Variants in GPC1 observed in about 807,000 individuals in gnomAD.
GPC1 encodes glypican 1.
A neutral mutation model predicts 51.5 loss-of-function variants in GPC1; 26 were observed. The ratio of observed to expected loss-of-function variants is 0.50; its 90% CI spans 0.37 to 0.70. GPC1 has a LOEUF of 0.70. Among genes scored for constraint, GPC1 ranks in the 30% least tolerant of loss-of-function variants. The probability of loss-of-function intolerance (pLI) is 0.00; values close to 1 mark genes in which losing one functional copy is unlikely to be tolerated. For missense variants in GPC1, 775 were observed against 800.5 expected (o/e 0.97, Z 0.38); for synonymous variants, 380 against 348.3 (o/e 1.09, Z -1.01).
At chr2:240,447,297 G>T (rs1427443146) in intron 1 of GPC1, among the ~76,000 whole-genome samples, 1 of 152,174 alleles carries the variant, frequency 6.6e-6, no homozygotes, top group Non-Finnish European at 1.5e-5. Context: ...GGCTGTTCTG[G>T]GTACCGGGAC....
Position 240,459,203 on chromosome 2 carries a change from C to A in GPC1, c.325+15C>A. 1 of 1,607,216 alleles carries A rather than the reference C, an allele frequency of 6.2e-7. No homozygotes were observed. Among genetic ancestry groups the A allele is most frequent in the Non-Finnish European group, 8.5e-7 (1 of 1,177,028 alleles). ...CAGCTTCGATGGTGAGTGCCTCCCACGGGCGCTCGGGGCCCGCAGGGTGCC... is the reference window on the plus strand; with the variant it reads ...CAGCTTCGATGGTGAGTGCCTCCCAAGGGCGCTCGGGGCCCGCAGGGTGCC... On this transcript the variant is annotated intron_variant, in intron 2 of 8. Transcript: ENST00000264039.
At chr2:240,462,629 T>A in intron 3 of GPC1, 47 bp downstream of exon 3, 1 of 1,480,104 alleles carries the variant, frequency 6.8e-7, no homozygotes, top group Non-Finnish European at 9.0e-7. Flanking sequence ...CAGACCCCCA[T>A]GCTCTGCCCA....
chr2:240,459,692 C>CA (rs1018130486), intron 2 of GPC1, among the ~76,000 whole-genome samples: 2 of 152,124 alleles, frequency 1.3e-5, no homozygotes, highest in African/African-American at 4.8e-5. Flanking sequence ...TATATCGGGG[C>CA]AGGAGTCTGG....
intron 1 of GPC1, chr2:240,456,477 G>A (rs2074165249): frequency 5.0e-6 from 2 of 398,498 alleles, no homozygotes; most frequent in African/African-American, 2.0e-5. Flanking sequence ...GCCTGGCCTG[G>A]GTGCCCCGTC....
chr2:240,462,006 G>A (rs1192073998), intron 2 of GPC1, among the ~76,000 whole-genome samples, 185 bp from the exon 3 acceptor site: 1 of 152,118 alleles, frequency 6.6e-6, no homozygotes, highest in Admixed American at 6.5e-5. Context: ...CCAGGCCAGG[G>A]GGTGAGGTCT....
intron 1 of GPC1, among the ~76,000 whole-genome samples, chr2:240,441,556 C>A (rs549083570): frequency 2.5e-4 from 38 of 152,368 alleles, no homozygotes; most frequent in Non-Finnish European, 4.7e-4. Context: ...GTGCCCAGAG[C>A]CCTGAGCCGG....
In GPC1 at chr2:240,435,679, G is replaced by A. The variant is rs1333360831; in HGVS notation, c.-240G>A. 19 of 171,994 alleles carry A rather than the reference G, an allele frequency of 1.1e-4. No homozygotes were observed. Among genetic ancestry groups the A allele is most frequent in the Non-Finnish European group, 2.1e-4 (17 of 82,496 alleles). 10.7% of individuals were successfully genotyped at this position (171,994 alleles called of 1,614,324 possible). The stretch of plus-strand genomic sequence containing the variant: ...GGGGGAGGCGCCGAGCCGGGACTGC[G>A]CTAGCCCGCCGCGCTCTGGGCTGCC... On this transcript the variant is annotated 5_prime_UTR_variant, in exon 1 of 9. Transcript: ENST00000264039.
chr2:240,453,998 G>A (rs1479089867), intron 1 of GPC1, among the ~76,000 whole-genome samples: 1 of 152,164 alleles, frequency 6.6e-6, no homozygotes, highest in Admixed American at 6.5e-5. Context: ...GTCGCAGTGC[G>A]CGGCGGAGGT....
intron 2 of GPC1, 128 bp from the exon 3 acceptor site, chr2:240,462,063 G>C: frequency 1.1e-6 from 1 of 901,466 alleles, no homozygotes; most frequent in Non-Finnish European, 1.6e-6. Flanking sequence ...GCTGCAGTGT[G>C]GCGTCCGACT....
chr2:240,440,365 C>G (rs565971288), intron 1 of GPC1, among the ~76,000 whole-genome samples: 1 of 152,184 alleles, frequency 6.6e-6, no homozygotes, highest in Non-Finnish European at 1.5e-5. Flanking sequence ...GTGAAGCGCT[C>G]CTCTTAGGGC....
Position 240,463,414 on chromosome 2 carries a change from T to A in GPC1, c.785T>A (p.Val262Asp). ...KLVYCAHCLG[V>D]PGARPCPDYC... is the part of the protein sequence containing the mutation. ...GTCTACTGTGCTCACTGCCTGGGAG[T>A]CCCCGGCGCCAGGCCCTGCCCTGAC... Residue 262 changes from valine (V) to aspartate (D), a missense_variant, in exon 4 of 9, where the codon GTC becomes GAC. Transcript: ENST00000264039. The A allele has an allele frequency of 1.2e-6, 2 of 1,612,370 alleles. No homozygotes were observed. The highest frequency in any genetic ancestry group is 1.1e-5 in the South Asian group (1 of 91,046).
chr2:240,441,779 A>G (rs952018328), intron 1 of GPC1, among the ~76,000 whole-genome samples: 1 of 152,022 alleles, frequency 6.6e-6, no homozygotes, highest in South Asian at 2.1e-4. Context: ...TAGGGTGTTG[A>G]GGCTTGGGCC....
intron 1 of GPC1, among the ~76,000 whole-genome samples, chr2:240,443,726 A>G (rs2074032419): frequency 6.6e-6 from 1 of 152,074 alleles, no homozygotes; most frequent in African/African-American, 2.4e-5. Context: ...ACAGGGAGAG[A>G]AGGGTCCCTC....
rs1490275647 is a variant in GPC1, at chr2:240,446,059, C to CG, written c.166+9979dup. On this transcript the variant is annotated intron_variant, in intron 1 of 8. Transcript: ENST00000264039. ...CGTCTGCGGCTTCACCAATGGGCAA[C>CG]GGGGCCCACGGCACAGAGAAAGTCC... is the stretch of plus-strand genomic sequence containing the variant. Among the ~76,000 whole-genome samples the CG allele has an allele frequency of 2.6e-5, 4 of 152,272 alleles. No homozygotes were observed. In the East Asian group the frequency reaches 7.8e-4, roughly 30 times the overall value.
intron 2 of GPC1, among the ~76,000 whole-genome samples, chr2:240,461,070 C>A (rs140383940): frequency 6.6e-6 from 1 of 152,302 alleles, no homozygotes; most frequent in East Asian, 1.9e-4. Context: ...TGGCCCATGG[C>A]CCTCTAGGTG....
intron 1 of GPC1, among the ~76,000 whole-genome samples, chr2:240,436,833 C>A (rs368994934): frequency 8.5e-5 from 13 of 152,382 alleles, no homozygotes; most frequent in East Asian, 7.7e-4. Flanking sequence ...GGATCCCGCC[C>A]AGGGGCCGTG....
chr2:240,447,243 T>C (rs564979332), intron 1 of GPC1, among the ~76,000 whole-genome samples: 7 of 151,990 alleles, frequency 4.6e-5, no homozygotes, highest in Non-Finnish European at 1.0e-4. Flanking sequence ...CCATGTTCGT[T>C]CCTCCCTCAA....
chr2:240,464,429 C>T, intron 4 of GPC1, 187 bp from the exon 5 acceptor site: 1 of 671,716 alleles, frequency 1.5e-6, no homozygotes, highest in Non-Finnish European at 2.6e-6. Flanking sequence ...GGGTGTGGGC[C>T]AAGCTGAGTG....
chr2:240,444,217 C>T (rs1369845855), intron 1 of GPC1, among the ~76,000 whole-genome samples: 1 of 152,226 alleles, frequency 6.6e-6, no homozygotes, highest in East Asian at 1.9e-4. Context: ...TCAGAGCCAG[C>T]CCCACAGTGG....
Sources: gnomAD v4.1 joint callset for allele counts (sites outside exome capture counted in the v4.1 genomes callset) on GRCh38, gnomAD v4.1.1 for gene constraint, MANE v1.5 for transcripts, NCBI Gene and HGNC (gene_info 2026-07-23, HGNC 2026-07-21) for gene names.